BARD1: variants seen among roughly 807,000 people sequenced by gnomAD.
The protein encoded by BARD1 is BRCA1 associated RING domain 1.
A neutral mutation model predicts 77.0 loss-of-function variants in BARD1; 73 were observed. The observed-to-expected ratio is 0.95, with a 90% CI of 0.79 to 1.15. The LOEUF (loss-of-function observed/expected upper bound fraction) is 1.15, where lower values mean the gene tolerates loss of function less well. BARD1 is among the 50% of genes most tolerant of loss of function. The pLI, the probability that BARD1 is intolerant of heterozygous loss-of-function variation, is 0.00. For missense variants in BARD1, 993 were observed against 938.8 expected (o/e 1.06, Z -0.75); for synonymous variants, 384 against 338.0 (o/e 1.14, Z -1.49).
intron 6 of BARD1, among the ~76,000 whole-genome samples, chr2:214,765,626 C>A (rs1243019979): frequency 6.6e-6 from 1 of 152,160 alleles, no homozygotes; most frequent in African/African-American, 2.4e-5. Context: ...GTCAGTTTCA[C>A]CTGACCCAAG....
chr2:214,731,367 G>A (rs902811877), intron 9 of BARD1, among the ~76,000 whole-genome samples: 3 of 152,164 alleles, frequency 2.0e-5, no homozygotes, highest in Admixed American at 2.0e-4. Flanking sequence ...CAATCATGAA[G>A]GACATGGTCA....
intron 7 of BARD1, among the ~76,000 whole-genome samples, chr2:214,750,726 G>T (rs1332041521): frequency 6.6e-6 from 1 of 152,132 alleles, no homozygotes. Flanking sequence ...TCCACGGAAA[G>T]GCTTCAGGGA....
chr2:214,799,566 C>T (rs572440871), intron 1 of BARD1, among the ~76,000 whole-genome samples: 21 of 152,234 alleles, frequency 1.4e-4, no homozygotes, highest in African/African-American at 5.1e-4. Flanking sequence ...ATTCGATCTC[C>T]TTTAGTCACT....
intron 3 of BARD1, among the ~76,000 whole-genome samples, chr2:214,788,091 G>A (rs1695352649): frequency 6.6e-6 from 1 of 151,898 alleles, no homozygotes; most frequent in African/African-American, 2.4e-5. Context: ...TAGCATATAT[G>A]AAACACTATG....
chr2:214,739,955 T>G (rs898031122), intron 9 of BARD1, among the ~76,000 whole-genome samples: 8 of 152,060 alleles, frequency 5.3e-5, no homozygotes, highest in Non-Finnish European at 8.8e-5. Flanking sequence ...TAAATTTTTC[T>G]TAGACAAAAC....
intron 1 of BARD1, among the ~76,000 whole-genome samples, chr2:214,802,613 T>G (rs1696076534): frequency 6.6e-6 from 1 of 152,206 alleles, no homozygotes; most frequent in Non-Finnish European, 1.5e-5. Flanking sequence ...CTACCTAGCA[T>G]GGTGCTAGAT....
At chr2:214,797,177 C>G in intron 1 of BARD1, 60 bp from the exon 2 acceptor site, 1 of 1,309,904 alleles carries the variant, frequency 7.6e-7, no homozygotes, top group Non-Finnish European at 1.1e-6. Context: ...CATCTCACAC[C>G]CAATATTTCA....
At chr2:214,754,180 A>G (rs1441495422) in intron 6 of BARD1, among the ~76,000 whole-genome samples, 1 of 152,034 alleles carries the variant, frequency 6.6e-6, no homozygotes, top group Non-Finnish European at 1.5e-5. Flanking sequence ...TTGAAGAACC[A>G]ATGTTCTAGG....
rs587780037 is a variant in BARD1 at position 214,809,491 on chromosome 2, C to G, written c.79G>C (p.Glu27Gln). Residue 27 changes from glutamate (E) to glutamine (Q), a missense_variant, in exon 1 of 11, where the codon GAA becomes CAA. Glu to Gln is a conservative substitution (Grantham distance 29). Coordinates refer to ENST00000260947, the MANE Select transcript of BARD1 (RefSeq NM_000465.4). ...GNEPRSAPAMEPDGRGAWAHS... is the reference protein window; with the variant it reads ...GNEPRSAPAMQPDGRGAWAHS... ...GCCCAGGCACCGCGACCATCCGGTT[C>G]CATGGCGGGCGCGGAACGAGGCTCG... 3.0e-5 allele frequency: 49 copies of G among 1,607,696 alleles called. No individual in the cohort carries two copies. Among genetic ancestry groups the G allele is most frequent in the Non-Finnish European group, 3.9e-5 (46 of 1,178,224 alleles).
At chr2:214,782,265 C>A (rs567265303) in intron 3 of BARD1, among the ~76,000 whole-genome samples, 31 of 152,008 alleles carry the variant, frequency 2.0e-4, no homozygotes, top group Non-Finnish European at 3.4e-4. Flanking sequence ...AAACTACATA[C>A]ACATTATATG....
intron 4 of BARD1, among the ~76,000 whole-genome samples, chr2:214,771,343 T>C (rs1694476370): frequency 6.6e-6 from 1 of 152,120 alleles, no homozygotes; most frequent in Non-Finnish European, 1.5e-5. Context: ...CCTCTCCCAA[T>C]ACTTTTTTCT....
chr2:214,749,462 A>G lies in BARD1; in HGVS notation c.1677+2985T>C, dbSNP rs151213083. Among the ~76,000 whole-genome samples, 21 of 152,318 alleles carry G rather than the reference A, an allele frequency of 1.4e-4. No individual in the cohort carries two copies. The East Asian group carries it at 4.0e-3, about 29-fold the overall frequency. On this transcript the variant is annotated intron_variant, in intron 7 of 10. Transcript: ENST00000260947. Reference sequence around the variant, plus strand: ...GTAAAACTCAAAAGGCCATGTCTACATGACATGCCCAAAGTATAGGTCTCT... The same window carrying G: ...GTAAAACTCAAAAGGCCATGTCTACGTGACATGCCCAAAGTATAGGTCTCT...
intron 4 of BARD1, among the ~76,000 whole-genome samples, chr2:214,774,771 C>G (rs1694666372): frequency 6.6e-6 from 1 of 152,230 alleles, no homozygotes; most frequent in South Asian, 2.1e-4. Flanking sequence ...TCACTGAAAT[C>G]TGTTGTTTAG....
At position 214,752,461 on chromosome 2, in the gene BARD1, T is replaced by G; in HGVS notation, c.1663A>C (p.Ser555Arg). 6.2e-7 allele frequency: 1 copy of G among 1,611,452 alleles called. No individual in the cohort carries two copies. Among genetic ancestry groups the G allele is most frequent in the Non-Finnish European group, 8.5e-7 (1 of 1,177,722 alleles). Residue 555 changes from serine (S) to arginine (R), a missense_variant, in exon 7 of 11, where the codon AGC (serine) becomes CGC (arginine). Transcript: ENST00000260947. ...TCCATACTTACTACTGAGCAGTGGC[T>G]AGCTGAGGATGATTCATTCTTCTCT... is the stretch of plus-strand genomic sequence containing the variant. ...LPEKNESSSA[S>R]HCSVMNTGQR...
At chr2:214,762,180 G>C (rs1301236667) in intron 6 of BARD1, among the ~76,000 whole-genome samples, 1 of 152,108 alleles carries the variant, frequency 6.6e-6, no homozygotes, top group Non-Finnish European at 1.5e-5. Context: ...CCATTTTAAT[G>C]CATAAAATTG....
chr2:214,726,849 T>A lies in BARD1; in HGVS notation c.*1827A>T. The A allele has an allele frequency of 4.4e-6, 1 of 225,918 alleles. No homozygotes were observed. The highest frequency in any genetic ancestry group is 8.8e-6 in the Non-Finnish European group (1 of 113,440). 14.0% of individuals were successfully genotyped at this position (225,918 alleles called of 1,614,324 possible). A position where few individuals can be genotyped will look rare whatever the true frequency, so the allele number is the denominator to read the frequency against. The stretch of plus-strand genomic sequence containing the variant: ...AACAACAAAAAGAAGGGAGGGGTGA[T>A]AAACCAAGAAAATGAATGACAAAAA... On this transcript the variant is annotated 3_prime_UTR_variant, in exon 11 of 11. Transcript: ENST00000260947.
intron 9 of BARD1, among the ~76,000 whole-genome samples, chr2:214,742,326 T>G (rs1301496032): frequency 1.3e-5 from 2 of 152,156 alleles, no homozygotes; most frequent in African/African-American, 4.8e-5. Flanking sequence ...ACACCTCATC[T>G]CTTAAAAAAC....
chr2:214,750,924 C>G (rs1553616009), intron 7 of BARD1, among the ~76,000 whole-genome samples: 1 of 151,670 alleles, frequency 6.6e-6, no homozygotes, highest in Non-Finnish European at 1.5e-5. Context: ...AAATGCAGAG[C>G]TATCCTGCAT....
intron 1 of BARD1, among the ~76,000 whole-genome samples, chr2:214,805,106 A>G (rs1696209003): frequency 6.6e-6 from 1 of 151,934 alleles, no homozygotes; most frequent in Admixed American, 6.6e-5. Flanking sequence ...GGTTGCAGTG[A>G]GCCGAGATCA....
Sources: gnomAD v4.1 joint callset for allele counts (sites outside exome capture counted in the v4.1 genomes callset) on GRCh38, gnomAD v4.1.1 for gene constraint, MANE v1.5 for transcripts, NCBI Gene and HGNC (gene_info 2026-07-23, HGNC 2026-07-21) for gene names.